TRMT11: variants seen among roughly 807,000 people sequenced by gnomAD.
The protein encoded by TRMT11 is tRNA (guanine(10)-N(2))-methyltransferase TRMT11.
A neutral mutation model predicts 62.8 loss-of-function variants in TRMT11; 53 were observed. That is an observed-to-expected ratio of 0.84 (90% CI 0.68 to 1.06). The LOEUF is 1.06. Among genes scored for constraint, TRMT11 ranks in the 50% least tolerant of loss-of-function variants. The pLI, the probability that TRMT11 is intolerant of heterozygous loss-of-function variation, is 0.00. For missense variants in TRMT11, 556 were observed against 553.4 expected (o/e 1.00, Z -0.05); for synonymous variants, 188 against 190.3 (o/e 0.99, Z 0.10).
the TRMT11 span, chr6:126,257,866 G>T: frequency 7.8e-7 from 1 of 1,275,812 alleles, no homozygotes; most frequent in Non-Finnish European, 1.1e-6. Context: ...CTCTTGCTAT[G>T]AGGTCGGGGG....
chr6:126,271,670 A>G, the TRMT11 span, among the ~76,000 whole-genome samples: 1 of 152,212 alleles, frequency 6.6e-6, no homozygotes, highest in Non-Finnish European at 1.5e-5. Flanking sequence ...CATCTTACAT[A>G]AAACATTGGG....
chr6:126,158,416 A>C (rs1324560067), intron 21 of TRMT11, among the ~76,000 whole-genome samples: 1 of 152,202 alleles, frequency 6.6e-6, no homozygotes. Context: ...GATCAGATTC[A>C]AGTTCAATAT....
At chr6:126,018,399 G>T (rs988768570) in intron 11 of TRMT11, among the ~76,000 whole-genome samples, 3 of 152,098 alleles carry the variant, frequency 2.0e-5, no homozygotes, top group Admixed American at 6.5e-5. Context: ...GAAGCAGGAA[G>T]ATTCACAGGA....
At chr6:126,255,237 C>T in the TRMT11 span, among the ~76,000 whole-genome samples, 1 of 152,254 alleles carries the variant, frequency 6.6e-6, no homozygotes, top group Admixed American at 6.5e-5. Flanking sequence ...AATATCTATA[C>T]CTTTTTTCTG....
At chr6:126,151,818 C>CTTTCTTTAGTTTCCTT (rs1554242219) in intron 21 of TRMT11, among the ~76,000 whole-genome samples, 13 of 104,662 alleles carry the variant, frequency 1.2e-4, no homozygotes, top group Middle Eastern at 5.5e-3. Context: ...TTCTTTCTTT[C>CTTTCTTTAGTTTCCTT]TTTCTTTCTT....
At chr6:126,212,217 C>T in the TRMT11 span, among the ~76,000 whole-genome samples, 6 of 152,066 alleles carry the variant, frequency 3.9e-5, no homozygotes, top group African/African-American at 4.8e-5. Flanking sequence ...TTGTGAATAT[C>T]GCTGCAATAT....
At chr6:126,234,497 A>C in the TRMT11 span, among the ~76,000 whole-genome samples, 1 of 152,052 alleles carries the variant, frequency 6.6e-6, no homozygotes, top group African/African-American at 2.4e-5. Flanking sequence ...TATTTTCTTG[A>C]ATAAGATGAT....
upstream of TRMT11, among the ~76,000 whole-genome samples, chr6:126,173,944 G>T (rs1021802111): frequency 1.3e-5 from 2 of 152,208 alleles, no homozygotes; most frequent in South Asian, 2.1e-4. Context: ...TCATGTGGGT[G>T]GGGGAGCTAT....
chr6:126,171,990 A>G (rs957300679), intron 21 of TRMT11, among the ~76,000 whole-genome samples: 2 of 152,172 alleles, frequency 1.3e-5, no homozygotes, highest in African/African-American at 4.8e-5. Context: ...AACGGCTGGG[A>G]TTACAGGCAA....
chr6:126,129,931 G>A (rs1777762192), intron 21 of TRMT11, among the ~76,000 whole-genome samples: 1 of 152,020 alleles, frequency 6.6e-6, no homozygotes, highest in African/African-American at 2.4e-5. Flanking sequence ...ACCATGTAGA[G>A]ACTTCGGTGT....
the TRMT11 span, among the ~76,000 whole-genome samples, chr6:126,213,790 A>G: frequency 6.6e-6 from 1 of 151,982 alleles, no homozygotes; most frequent in Non-Finnish European, 1.5e-5. Flanking sequence ...CTATATTGAG[A>G]AACAGTAGTG....
rs150515417 is a variant in TRMT11, at chr6:126,104,583, A to C, written c.*1438-8283A>C. ...TGGCTGCACCTGTGGACAGAGGGGAAGCTCTTAATGTTCTCCTTGTAGAAG... is the reference window on the plus strand; with the variant it reads ...TGGCTGCACCTGTGGACAGAGGGGACGCTCTTAATGTTCTCCTTGTAGAAG... On this transcript the variant is annotated intron_variant and NMD_transcript_variant, in intron 17 of 22. Coordinates refer to the TRMT11 transcript ENST00000648977. Among the ~76,000 whole-genome samples, 448 of 152,332 alleles carry C rather than the reference A, an allele frequency of 2.9e-3. 2 individuals carry two copies. The highest frequency in any genetic ancestry group is 0.027 in the Middle Eastern group (8 of 294).
At chr6:126,008,699 GA>G (rs763436171) in intron 8 of TRMT11, 35 of 682,610 alleles carry the variant, frequency 5.1e-5, no homozygotes, top group South Asian at 4.9e-4. Flanking sequence ...CCTTTATGAT[GA>G]TCCACTTCCA....
intron 1 of TRMT11, among the ~76,000 whole-genome samples, chr6:125,988,054 C>T (rs914150247): frequency 3.9e-5 from 6 of 152,042 alleles, no homozygotes; most frequent in African/African-American, 9.7e-5. Flanking sequence ...AAGGGAAAGT[C>T]GGAGGAGGCC....
At chr6:126,200,809 T>C (rs1475825387) in intron 3 of TRMT11, among the ~76,000 whole-genome samples, 1 of 152,140 alleles carries the variant, frequency 6.6e-6, no homozygotes, top group Non-Finnish European at 1.5e-5. Flanking sequence ...TGCCTTAGCC[T>C]CCCAAAGTGC....
At chr6:126,223,556 AG>A in the TRMT11 span, among the ~76,000 whole-genome samples, 1 of 152,230 alleles carries the variant, frequency 6.6e-6, no homozygotes, top group Admixed American at 6.5e-5. Flanking sequence ...TTCCCTTTGT[AG>A]GTGACCTGTC....
chr6:126,146,468 G>T (rs1257832815), intron 21 of TRMT11, among the ~76,000 whole-genome samples: 1 of 152,018 alleles, frequency 6.6e-6, no homozygotes, highest in African/African-American at 2.4e-5. Flanking sequence ...TATGTTTAAT[G>T]AGGTTTTAAT....
chr6:125,992,256 C>A (rs1318347197), intron 1 of TRMT11, among the ~76,000 whole-genome samples: 3 of 152,024 alleles, frequency 2.0e-5, no homozygotes, highest in Non-Finnish European at 4.4e-5. Context: ...CTTTTTTTCC[C>A]CACCTAACTC....
At chr6:126,020,296 A>C (rs1480742547) in intron 11 of TRMT11, among the ~76,000 whole-genome samples, 1 of 152,214 alleles carries the variant, frequency 6.6e-6, no homozygotes, top group African/African-American at 2.4e-5. Context: ...ACTGGCCAAC[A>C]CAGTGTTCTT....
Sources: allele counts gnomAD v4.1 joint callset (sites outside exome capture counted in the v4.1 genomes callset), GRCh38; gene constraint gnomAD v4.1.1; transcripts MANE v1.5; gene names NCBI Gene and HGNC (gene_info 2026-07-23, HGNC 2026-07-21).